Variants in CTSH observed in about 807,000 individuals in gnomAD.
CTSH encodes cathepsin H, also known as pro-cathepsin H.
A neutral mutation model predicts 56.3 loss-of-function variants in CTSH; 52 were observed. The observed-to-expected ratio is 0.92, with a 90% CI of 0.74 to 1.16. The LOEUF (loss-of-function observed/expected upper bound fraction) is 1.16. Ranked by LOEUF, CTSH falls within the 50% of genes most tolerant of loss-of-function variation. The probability of loss-of-function intolerance (pLI) is 0.00; values close to 1 mark genes in which losing one functional copy is unlikely to be tolerated. For synonymous variants in CTSH, 174 were observed against 155.7 expected (o/e 1.12, Z -0.88); for missense variants, 406 against 424.5 (o/e 0.96, Z 0.38).
rs997233726 is a variant in CTSH at position 78,922,990 on chromosome 15, T to C, written c.932+3A>G. ...CCAGAAGTGGGACCTGGGAGCTGCT[T>C]ACCCGTTCATTCCCCACTGGGGACC... is the stretch of plus-strand genomic sequence containing the variant. On this transcript the variant is annotated splice_donor_region_variant and intron_variant, in intron 11 of 11. Transcript: ENST00000220166. 1 of 1,607,528 alleles carries C rather than the reference T, an allele frequency of 6.2e-7. No homozygotes were observed. The highest frequency in any genetic ancestry group is 8.5e-7 in the Non-Finnish European group (1 of 1,178,188).
At chr15:78,937,814 C>T in intron 2 of CTSH, 1 of 1,291,066 alleles carries the variant, frequency 7.7e-7, no homozygotes, top group Non-Finnish European at 1.0e-6. Flanking sequence ...ACACAGTGTG[C>T]TTTGGTTTTC....
intron 10 of CTSH, among the ~76,000 whole-genome samples, chr15:78,924,061 C>T (rs1029582376): frequency 7.7e-6 from 1 of 129,632 alleles, no homozygotes; most frequent in Non-Finnish European, 1.5e-5. Context: ...GGGAGGGCGA[C>T]AGAGCCCCCA....
At chr15:78,935,646 G>C (rs778885247) in intron 4 of CTSH, 34 bp downstream of exon 4, 5 of 1,553,344 alleles carry the variant, frequency 3.2e-6, no homozygotes, top group Non-Finnish European at 4.4e-6. Context: ...TTCAGTAAAA[G>C]GATTCAGATT....
At chr15:78,936,180 CTTT>C (rs66819363) in intron 3 of CTSH, among the ~76,000 whole-genome samples, 62 of 90,858 alleles carry the variant, frequency 6.8e-4, no homozygotes, top group African/African-American at 1.7e-3. Flanking sequence ...CTTTTCTTTT[CTTT>C]TTTTTTTTTT....
intron 8 of CTSH, 21 bp downstream of exon 8, chr15:78,929,391 A>C (rs745972988): frequency 3.1e-6 from 5 of 1,593,056 alleles, no homozygotes; most frequent in Non-Finnish European, 4.3e-6. Flanking sequence ...AAGAAGACAG[A>C]GTGGAGGCTG....
chr15:78,937,591 A>G (rs1053450514), intron 2 of CTSH, 168 bp from the exon 3 acceptor site: 2 of 1,413,206 alleles, frequency 1.4e-6, no homozygotes, highest in Non-Finnish European at 9.3e-7. Context: ...GGGAAGTTAC[A>G]AAACAACCCC....
At chr15:78,922,799 T>G (rs1429333406) in intron 11 of CTSH, among the ~76,000 whole-genome samples, 194 bp downstream of exon 11, 1 of 152,214 alleles carries the variant, frequency 6.6e-6, no homozygotes, top group Admixed American at 6.5e-5. Flanking sequence ...CCTGGGGCCC[T>G]GTGAGGGCTG....
At chr15:78,937,897 T>C (rs1250075025) in intron 2 of CTSH, 1 of 929,422 alleles carries the variant, frequency 1.1e-6, no homozygotes, top group Non-Finnish European at 1.5e-6. Context: ...AATATTTCGA[T>C]ACATTCATAT....
intron 3 of CTSH, among the ~76,000 whole-genome samples, chr15:78,936,115 C>T (rs1006207597): frequency 2.0e-5 from 3 of 151,946 alleles, no homozygotes; most frequent in Non-Finnish European, 4.4e-5. Flanking sequence ...CCACCTGCTG[C>T]CTAATTTGGT....
intron 6 of CTSH, chr15:78,931,804 G>C: frequency 7.4e-7 from 1 of 1,344,094 alleles, no homozygotes; most frequent in Non-Finnish European, 9.6e-7. Context: ...ACGATGCAGA[G>C]TGTGGGGTCC....
intron 9 of CTSH, chr15:78,925,726 G>C (rs1322244996): frequency 2.9e-6 from 1 of 346,812 alleles, no homozygotes; most frequent in East Asian, 6.4e-5. Context: ...CATTCCCTGA[G>C]GTCCTCTCCT....
intron 1 of CTSH, among the ~76,000 whole-genome samples, chr15:78,943,734 T>C (rs2055339611): frequency 6.6e-6 from 1 of 152,230 alleles, no homozygotes; most frequent in Non-Finnish European, 1.5e-5. Flanking sequence ...GCAGAGTTAG[T>C]AGTTGCTACA....
rs1279122044 is a variant in CTSH at position 78,921,805 on chromosome 15, G to A, written c.*325C>T. 1.0e-5 allele frequency: 3 copies of A among 297,800 alleles called. No individual in the cohort carries two copies. The highest frequency in any genetic ancestry group is 7.4e-5 in the East Asian group (1 of 13,460). The allele number at this position is 297,800 out of a possible 1,614,324, so 18.4% of individuals were successfully genotyped here. On this transcript the variant is annotated 3_prime_UTR_variant, in exon 12 of 12. Transcript: ENST00000220166. ...GCTCACTCAATGTTTATTGAACAGC[G>A]AATACAGAAAAGACAGTCCCTGGAG...
At chr15:78,931,859 C>T in intron 6 of CTSH, 3 of 1,254,710 alleles carry the variant, frequency 2.4e-6, no homozygotes, top group South Asian at 3.4e-5. Flanking sequence ...GCCAGAGACC[C>T]TACCCCCACC....
intron 8 of CTSH, among the ~76,000 whole-genome samples, chr15:78,928,082 A>C (rs1044973946): frequency 6.6e-6 from 1 of 152,188 alleles, no homozygotes; most frequent in Non-Finnish European, 1.5e-5. Flanking sequence ...CCTGTGAGGC[A>C]GGGGAGTGGG....
intron 1 of CTSH, among the ~76,000 whole-genome samples, chr15:78,942,215 CTT>C (rs35548397): frequency 0.03 from 3,337 of 110,334 alleles, 124 homozygotes; most frequent in African/African-American, 0.11. Context: ...TTCTTTCCTT[CTT>C]TTTTTTTTTT....
intron 8 of CTSH, among the ~76,000 whole-genome samples, 188 bp downstream of exon 8, chr15:78,929,224 T>C (rs886086958): frequency 1.3e-5 from 2 of 150,802 alleles, no homozygotes; most frequent in African/African-American, 4.9e-5. Context: ...AAGAGGCCCC[T>C]GGACTGGTGA....
chr15:78,940,669 G>C (rs954789874), intron 1 of CTSH, among the ~76,000 whole-genome samples: 1 of 152,156 alleles, frequency 6.6e-6, no homozygotes, highest in Non-Finnish European at 1.5e-5. Flanking sequence ...ATAAGAGTCA[G>C]GTATTTAGGC....
chr15:78,930,015 A>G (rs1288381043), intron 7 of CTSH, among the ~76,000 whole-genome samples: 2 of 152,214 alleles, frequency 1.3e-5, no homozygotes. Flanking sequence ...GCAGCTGCCC[A>G]GCAATCCCCG....
Sources: gnomAD v4.1 joint callset for allele counts (sites outside exome capture counted in the v4.1 genomes callset) on GRCh38, gnomAD v4.1.1 for gene constraint, MANE v1.5 for transcripts, NCBI Gene and HGNC (gene_info 2026-07-23, HGNC 2026-07-21) for gene names.